LHFPL3: variants seen among roughly 807,000 people sequenced by gnomAD.
LHFPL3 encodes the protein LHFPL tetraspan subfamily member 3.
LHFPL3 carries 5 observed loss-of-function variants against 19.3 expected under a neutral mutation model. That is an observed-to-expected ratio of 0.26 (90% CI 0.14 to 0.54). LHFPL3 has a LOEUF of 0.54. LHFPL3 is among the 20% of genes least tolerant of loss of function. The pLI, the probability that LHFPL3 is intolerant of heterozygous loss-of-function variation, is 0.94. For missense variants in LHFPL3, 249 were observed against 307.4 expected (o/e 0.81, Z 1.42); for synonymous variants, 133 against 126.2 (o/e 1.05, Z -0.36).
At chr7:104,564,287 T>C (rs796845950) in intron 1 of LHFPL3, among the ~76,000 whole-genome samples, 11 of 152,324 alleles carry the variant, frequency 7.2e-5, no homozygotes, top group African/African-American at 2.2e-4. Flanking sequence ...TTAGCTTTGC[T>C]AATCACATCC....
chr7:104,489,231 C>T (rs1332060485), intron 1 of LHFPL3, among the ~76,000 whole-genome samples: 4 of 95,110 alleles, frequency 4.2e-5, no homozygotes, highest in Admixed American at 2.9e-4. Flanking sequence ...TACAGGCGCC[C>T]GCCACTACGC....
chr7:104,516,630 A>G (rs1793926885), intron 1 of LHFPL3, among the ~76,000 whole-genome samples: 2 of 152,280 alleles, frequency 1.3e-5, no homozygotes, highest in South Asian at 4.1e-4. Context: ...GCAATGATTA[A>G]AAAGTAAAAA....
At chr7:104,430,960 T>G (rs1791991787) in intron 1 of LHFPL3, among the ~76,000 whole-genome samples, 2 of 152,076 alleles carry the variant, frequency 1.3e-5, no homozygotes. Context: ...TTGAAATACA[T>G]ACAGACCAGA....
intron 2 of LHFPL3, among the ~76,000 whole-genome samples, chr7:104,889,260 G>T (rs1792203255): frequency 6.6e-6 from 1 of 152,228 alleles, no homozygotes; most frequent in African/African-American, 2.4e-5. Flanking sequence ...TCTCCAGGGA[G>T]TAAGACCGGG....
intron 1 of LHFPL3, among the ~76,000 whole-genome samples, chr7:104,734,037 T>C (rs1397171693): frequency 1.3e-5 from 2 of 152,224 alleles, no homozygotes; most frequent in African/African-American, 4.8e-5. Flanking sequence ...TTTAAGAATG[T>C]TGAATATTGG....
intron 2 of LHFPL3, among the ~76,000 whole-genome samples, chr7:104,824,443 A>T (rs1213996530): frequency 7.1e-5 from 4 of 56,238 alleles, no homozygotes; most frequent in East Asian, 8.6e-4. Context: ...AATTATAGAT[A>T]ATATATAATT....
intron 1 of LHFPL3, among the ~76,000 whole-genome samples, chr7:104,568,998 A>C (rs973408539): frequency 2.0e-4 from 31 of 152,234 alleles, no homozygotes; most frequent in African/African-American, 7.5e-4. Context: ...AAGATCTCCC[A>C]AAGAATTAAT....
At chr7:104,356,903 C>T (rs901001186) in intron 1 of LHFPL3, among the ~76,000 whole-genome samples, 6 of 152,266 alleles carry the variant, frequency 3.9e-5, no homozygotes, top group Non-Finnish European at 7.4e-5. Flanking sequence ...AGGTGAGCAG[C>T]GGGCTAGCGA....
chr7:104,413,046 T>C (rs945576604), intron 1 of LHFPL3, among the ~76,000 whole-genome samples: 3 of 152,128 alleles, frequency 2.0e-5, no homozygotes, highest in African/African-American at 7.2e-5. Flanking sequence ...ATCCATATAC[T>C]CCCTGTAAGC....
At chr7:104,858,795 G>C (rs1337752306) in intron 2 of LHFPL3, among the ~76,000 whole-genome samples, 1 of 152,070 alleles carries the variant, frequency 6.6e-6, no homozygotes, top group Non-Finnish European at 1.5e-5. Flanking sequence ...GTTCGAGTCT[G>C]TCAATTACTT....
chr7:104,586,275 T>C (rs956048009), intron 1 of LHFPL3, among the ~76,000 whole-genome samples: 9 of 152,130 alleles, frequency 5.9e-5, no homozygotes, highest in African/African-American at 2.2e-4. Flanking sequence ...GAAAGCAAGA[T>C]GGAAATGATA....
chr7:104,514,353 T>C (rs927319950), intron 1 of LHFPL3, among the ~76,000 whole-genome samples: 1 of 152,220 alleles, frequency 6.6e-6, no homozygotes, highest in Non-Finnish European at 1.5e-5. Context: ...ACCACAGTTA[T>C]AATTTTATCA....
chr7:104,612,876 A>G (rs1406746409), intron 1 of LHFPL3, among the ~76,000 whole-genome samples: 1 of 152,232 alleles, frequency 6.6e-6, no homozygotes, highest in Non-Finnish European at 1.5e-5. Flanking sequence ...AACCTGTGAC[A>G]TTAATCATAG....
At chr7:104,429,107 A>G (rs577217711) in intron 1 of LHFPL3, among the ~76,000 whole-genome samples, 1 of 152,298 alleles carries the variant, frequency 6.6e-6, no homozygotes, top group African/African-American at 2.4e-5. Context: ...CATTTTATTA[A>G]GAGATGTATA....
At chr7:104,554,640 C>CAGATAGATAGAT (rs55796324) in intron 1 of LHFPL3, among the ~76,000 whole-genome samples, 23 of 143,980 alleles carry the variant, frequency 1.6e-4, no homozygotes, top group South Asian at 9.0e-4. Context: ...ATTAGATAGA[C>CAGATAGATAGAT]AGATAGATAG....
intron 1 of LHFPL3, among the ~76,000 whole-genome samples, chr7:104,510,443 C>T (rs900834659): frequency 4.6e-5 from 7 of 152,106 alleles, no homozygotes; most frequent in Middle Eastern, 6.8e-3. Context: ...AGTATTTTAA[C>T]GGATGGGCTT....
intron 1 of LHFPL3, among the ~76,000 whole-genome samples, chr7:104,394,264 A>C (rs1219440217): frequency 1.3e-5 from 2 of 152,204 alleles, no homozygotes; most frequent in African/African-American, 2.4e-5. Flanking sequence ...GTGCAGCCTG[A>C]GATTCATCAT....
At chr7:104,554,882 G>A (rs765304562) in intron 1 of LHFPL3, among the ~76,000 whole-genome samples, 6 of 152,190 alleles carry the variant, frequency 3.9e-5, no homozygotes, top group Non-Finnish European at 7.3e-5. Flanking sequence ...AACACAGGGG[G>A]ACCACTAGTG....
intron 1 of LHFPL3, among the ~76,000 whole-genome samples, chr7:104,437,286 A>G (rs1792127845): frequency 6.6e-6 from 1 of 152,214 alleles, no homozygotes; most frequent in African/African-American, 2.4e-5. Context: ...AAAAAATATT[A>G]ACTTCATTGA....
Sources: gnomAD v4.1 joint callset for allele counts (sites outside exome capture counted in the v4.1 genomes callset) on GRCh38, gnomAD v4.1.1 for gene constraint, MANE v1.5 for transcripts, NCBI Gene and HGNC (gene_info 2026-07-23, HGNC 2026-07-21) for gene names.